Variants in PRRX2 observed in about 807,000 individuals in gnomAD.
PRRX2 encodes the protein paired related homeobox 2.
Under a neutral mutation model 18.0 loss-of-function variants are expected in PRRX2, and 11 were observed. The ratio of observed to expected loss-of-function variants is 0.61; its 90% CI spans 0.39 to 1.01. The LOEUF (loss-of-function observed/expected upper bound fraction) is 1.01. Ranked by LOEUF, PRRX2 falls within the 50% of genes least tolerant of loss-of-function variation. The pLI is 0.01. For synonymous variants in PRRX2, 177 were observed against 154.8 expected, an observed-to-expected ratio of 1.14 and a Z score of -1.06; for missense variants, 387 against 351.0, an observed-to-expected ratio of 1.10 and a Z score of -0.82.
chr9:129,720,920 T>C, intron 3 of PRRX2, 146 bp downstream of exon 3: 1 of 965,078 alleles, frequency 1.0e-6, no homozygotes, highest in Non-Finnish European at 1.4e-6. Flanking sequence ...AAGTGATGTG[T>C]GGCGAGTGTG....
chr9:129,701,619 C>T (rs1327900783), intron 1 of PRRX2, among the ~76,000 whole-genome samples: 12 of 152,230 alleles, frequency 7.9e-5, no homozygotes, highest in Non-Finnish European at 1.8e-4. Flanking sequence ...CGCAGCATCC[C>T]TGGGTGTGTC....
chr9:129,693,111 TCAC>T (rs1170382907), intron 1 of PRRX2, among the ~76,000 whole-genome samples: 1 of 152,214 alleles, frequency 6.6e-6, no homozygotes, highest in Non-Finnish European at 1.5e-5. Context: ...TGGTGGTATC[TCAC>T]TGTAGTTTTA....
At chr9:129,694,062 C>A (rs1443584340) in intron 1 of PRRX2, among the ~76,000 whole-genome samples, 1 of 152,182 alleles carries the variant, frequency 6.6e-6, no homozygotes, top group Non-Finnish European at 1.5e-5. Context: ...CCGAATCCTC[C>A]ACAACACAGG....
rs1259738773 is a variant in PRRX2 at position 129,695,364 on chromosome 9, CTG to C, written c.260-23865_260-23864del. Reference sequence around the variant, plus strand: ...CAGCTGTCTTTAGCCCCAGAGGAAACTGTCTTTTCAAAGAGAGAGGCTGCGGA... The same window carrying C: ...CAGCTGTCTTTAGCCCCAGAGGAAACTCTTTTCAAAGAGAGAGGCTGCGGA... On this transcript the variant is annotated intron_variant, in intron 1 of 3. Transcript: ENST00000372469. The surrounding 1 kb of genome is among the most constrained non-coding windows in gnomAD (Gnocchi z 4.8). Among the ~76,000 whole-genome samples, 2 of 152,244 alleles carry C rather than the reference CTG, an allele frequency of 1.3e-5. No homozygotes were observed. The highest frequency in any genetic ancestry group is 1.3e-4 in the Admixed American group (2 of 15,284).
intron 1 of PRRX2, among the ~76,000 whole-genome samples, chr9:129,716,306 G>A: frequency 6.6e-6 from 1 of 152,160 alleles, no homozygotes; most frequent in South Asian, 2.1e-4. Context: ...ATAGGGCTCT[G>A]GTTGAATAAA....
intron 1 of PRRX2, among the ~76,000 whole-genome samples, chr9:129,666,571 A>ACCCCCCCCCCCC (rs532808399): frequency 6.3e-5 from 6 of 95,424 alleles, no homozygotes; most frequent in African/African-American, 1.5e-4. Flanking sequence ...GTGCCTGCCC[A>ACCCCCCCCCCCC]CCCCCCCCCA....
chr9:129,675,521 C>A lies in PRRX2; in HGVS notation c.259+9395C>A, dbSNP rs1431056076. Among the ~76,000 whole-genome samples, 1 of 152,138 alleles carries A rather than the reference C, an allele frequency of 6.6e-6. No homozygotes were observed. The highest frequency in any genetic ancestry group is 6.5e-5 in the Admixed American group (1 of 15,296). ...TGCCCCCCTGCTACCCTCCCTCCCC[C>A]ATGGGGTCCCCTCAAAGGGCTCTCT... On this transcript the variant is annotated intron_variant, in intron 1 of 3. Coordinates refer to ENST00000372469, the MANE Select transcript of PRRX2 (RefSeq NM_016307.4). This position sits in a 1 kb window ranked among gnomAD's most constrained non-coding sequence, Gnocchi z 4.4.
chr9:129,714,068 C>A (rs902046812), intron 1 of PRRX2, among the ~76,000 whole-genome samples: 5 of 151,062 alleles, frequency 3.3e-5, no homozygotes, highest in Non-Finnish European at 5.9e-5. Context: ...TTTGGGAGGC[C>A]AAGGCAGGTG....
At chr9:129,677,196 C>T (rs143514308) in intron 1 of PRRX2, among the ~76,000 whole-genome samples, 1 of 152,374 alleles carries the variant, frequency 6.6e-6, no homozygotes, top group East Asian at 1.9e-4. Flanking sequence ...CCAGCGATCC[C>T]GTTCTTACCA....
chr9:129,687,684 C>T (rs1832313136), intron 1 of PRRX2, among the ~76,000 whole-genome samples: 2 of 152,234 alleles, frequency 1.3e-5, no homozygotes, highest in African/African-American at 4.8e-5. Flanking sequence ...CCGTGGAATT[C>T]TAGCAGCCTG....
At chr9:129,687,438 A>G (rs1166717197) in intron 1 of PRRX2, among the ~76,000 whole-genome samples, 1 of 152,132 alleles carries the variant, frequency 6.6e-6, no homozygotes, top group East Asian at 1.9e-4. Context: ...ACAATGATCC[A>G]TGAGTGGCTG....
intron 2 of PRRX2, 53 bp from the exon 3 acceptor site, chr9:129,720,543 G>T (rs1832775504): frequency 6.6e-7 from 1 of 1,505,346 alleles, no homozygotes; most frequent in Non-Finnish European, 9.0e-7. Context: ...AGGTCCAGAA[G>T]GACTTGGGTC....
chr9:129,707,933 A>G lies in PRRX2; in HGVS notation c.260-11298A>G, dbSNP rs374303689. On this transcript the variant is annotated intron_variant, in intron 1 of 3. Coordinates refer to ENST00000372469, the MANE Select transcript of PRRX2 (RefSeq NM_016307.4). Reference sequence around the variant, plus strand: ...AAGTCTATGTTTCACCTTGTGAGCAACTCCCAGACTGTTTTCCACAGCAGC... The same window carrying G: ...AAGTCTATGTTTCACCTTGTGAGCAGCTCCCAGACTGTTTTCCACAGCAGC... 7.2e-5 allele frequency among the ~76,000 whole-genome samples: 11 copies of G among 152,194 alleles called. No individual in the cohort carries two copies. In the South Asian group the frequency reaches 2.1e-3, roughly 29 times the overall value.
Position 129,665,914 on chromosome 9 carries a change from G to A in PRRX2, c.47G>A (p.Gly16Asp). ...TTCGCCCTGGACAAGCCGGCGCTGG[G>A]CCCGGGGCCGCCGCCGCCTCCACCC... ...AAFALDKPAL[G>D]PGPPPPPPAL... The change falls in exon 1 of 4, where the codon GGC becomes GAC. Residue 16 changes from glycine (G) to aspartate (D), a missense_variant. Gly to Asp is a moderately conservative substitution (Grantham distance 94). Coordinates refer to ENST00000372469, the MANE Select transcript of PRRX2 (RefSeq NM_016307.4). This position sits in a 1 kb window ranked among gnomAD's most constrained non-coding sequence, Gnocchi z 5.3. 9.0e-7 allele frequency: 1 copy of A among 1,113,954 alleles called. No homozygotes were observed. Among genetic ancestry groups the A allele is most frequent in the South Asian group, 2.7e-5 (1 of 36,826 alleles). 69.0% of individuals were successfully genotyped at this position (1,113,954 alleles called of 1,614,324 possible). A position where few individuals can be genotyped will look rare whatever the true frequency, so the allele number is the denominator to read the frequency against.
intron 1 of PRRX2, among the ~76,000 whole-genome samples, chr9:129,686,408 G>A (rs1832299207): frequency 6.6e-6 from 1 of 152,188 alleles, no homozygotes; most frequent in East Asian, 1.9e-4. Flanking sequence ...GTGCAGTGGT[G>A]CGATCACAGC....
chr9:129,713,409 C>G (rs1019317955), intron 1 of PRRX2: 1 of 152,286 alleles, frequency 6.6e-6, no homozygotes, highest in Admixed American at 6.5e-5. Context: ...GTGAGGGCTT[C>G]CTTTAGGACG....
chr9:129,684,526 ACACACACC>A (rs1405954995), intron 1 of PRRX2, among the ~76,000 whole-genome samples: 10 of 116,772 alleles, frequency 8.6e-5, no homozygotes, highest in African/African-American at 3.3e-4. Flanking sequence ...ACACACACCC[ACACACACC>A]CCAACAGAAA....
chr9:129,681,692 ACC>A (rs1368393672), intron 1 of PRRX2, among the ~76,000 whole-genome samples: 1 of 129,566 alleles, frequency 7.7e-6, no homozygotes, highest in African/African-American at 2.9e-5. Context: ...CCCTCCCTCC[ACC>A]CCCCAAAACC....
At chr9:129,677,958 C>CTTTTTTT (rs760645440) in intron 1 of PRRX2, among the ~76,000 whole-genome samples, 50 of 113,092 alleles carry the variant, frequency 4.4e-4, no homozygotes, top group African/African-American at 6.4e-4. Context: ...TTCTTTCTTT[C>CTTTTTTT]TTTTTTTTTT....
Sources: allele counts gnomAD v4.1 joint callset (sites outside exome capture counted in the v4.1 genomes callset), GRCh38; gene constraint gnomAD v4.1.1; non-coding constraint Gnocchi (gnomAD v3.1); transcripts MANE v1.5; gene names NCBI Gene and HGNC (gene_info 2026-07-23, HGNC 2026-07-21).